The following DNMT3B variants were observed in gnomAD, a reference collection of about 807,000 sequenced individuals.
The protein encoded by DNMT3B is DNA (cytosine-5)-methyltransferase 3B.
A neutral mutation model predicts 120.2 loss-of-function variants in DNMT3B; 37 were observed. The ratio of observed to expected loss-of-function variants is 0.31; its 90% CI spans 0.24 to 0.40. The LOEUF (loss-of-function observed/expected upper bound fraction) is 0.40, where lower values mean the gene tolerates loss of function less well. Among genes scored for constraint, DNMT3B ranks in the 10% least tolerant of loss-of-function variants. DNMT3B has a pLI of 1.00. For synonymous variants in DNMT3B, 412 were observed against 442.8 expected, an observed-to-expected ratio of 0.93 and a Z score of 0.87; for missense variants, 878 against 1,137.3, an observed-to-expected ratio of 0.77 and a Z score of 3.28.
intron 18 of DNMT3B, 35 bp downstream of exon 18, chr20:32,800,960 C>T (rs1031130060): frequency 1.9e-6 from 3 of 1,609,022 alleles, no homozygotes; most frequent in Non-Finnish European, 2.6e-6. Context: ...CCCTGGAGAG[C>T]CTATGTCACC....
chr20:32,786,388 C>A, intron 4 of DNMT3B, 114 bp from the exon 5 acceptor site: 1 of 1,475,754 alleles, frequency 6.8e-7, no homozygotes, highest in Non-Finnish European at 9.3e-7. Context: ...TCCAGTTGTC[C>A]TGAAGCTGGC....
chr20:32,766,390 T>TA (rs937931304), intron 1 of DNMT3B, among the ~76,000 whole-genome samples: 3 of 151,948 alleles, frequency 2.0e-5, no homozygotes, highest in African/African-American at 4.8e-5. Context: ...TTTTTTTTTT[T>TA]ATAAGGACAA....
At chr20:32,798,403 G>C in intron 14 of DNMT3B, 57 bp from the exon 15 acceptor site, 1 of 1,607,172 alleles carries the variant, frequency 6.2e-7, no homozygotes, top group Non-Finnish European at 8.5e-7. Context: ...TGGTAAGGGG[G>C]TGGCACAGGA....
At chr20:32,771,470 A>G (rs1024345886) in intron 1 of DNMT3B, among the ~76,000 whole-genome samples, 2 of 151,990 alleles carry the variant, frequency 1.3e-5, no homozygotes, top group African/African-American at 2.4e-5. Context: ...CTGAAACCCT[A>G]TCTCTACTAA....
chr20:32,800,282 A>G lies in DNMT3B; in HGVS notation c.1889A>G (p.Asn630Ser). 6.2e-7 allele frequency: 1 copy of G among 1,614,210 alleles called. No individual in the cohort carries two copies. Among genetic ancestry groups the G allele is most frequent in the Non-Finnish European group, 8.5e-7 (1 of 1,180,040 alleles). ...ATCAAATACGTGAACGACGTGAGGA[A>G]CATCACAAAGAAAAATGTGAGGGCA... Reference protein sequence around the residue: ...GNIKYVNDVRNITKKNIEEWG... With the variant: ...GNIKYVNDVRSITKKNIEEWG... Residue 630 changes from asparagine to serine, a missense_variant, in exon 17 of 23, where the codon AAC becomes AGC. Physicochemically the swap from Asn to Ser is conservative, Grantham distance 46. This residue lies in a region of DNMT3B where 334 missense variants were observed against 518.8 expected (regional missense o/e 0.64). Coordinates refer to ENST00000328111, the MANE Select transcript of DNMT3B (RefSeq NM_006892.4).
chr20:32,785,882 CTTTTTT>C (rs139466345), intron 4 of DNMT3B, among the ~76,000 whole-genome samples: 1,687 of 134,474 alleles, frequency 0.013, 28 homozygotes, highest in African/African-American at 0.06. Context: ...TTCTTTCTTT[CTTTTTT>C]TTTCTTTTTT....
At chr20:32,781,212 A>G (rs1455366723) in intron 2 of DNMT3B, 141 bp from the exon 3 acceptor site, 1 of 834,110 alleles carries the variant, frequency 1.2e-6, no homozygotes, top group African/African-American at 1.7e-5. Flanking sequence ...ATACTGACGG[A>G]CTGAGAGCAA....
At position 32,800,386 on chromosome 20, in the gene DNMT3B, T is replaced by C. The variant is rs1340210314; in HGVS notation, c.1905+88T>C. 4 of 1,564,716 alleles carry C rather than the reference T, an allele frequency of 2.6e-6. No individual in the cohort carries two copies. In the East Asian group the frequency reaches 9.0e-5, roughly 35 times the overall value. On this transcript the variant is annotated intron_variant, in intron 17 of 22. Coordinates refer to ENST00000328111, the MANE Select transcript of DNMT3B (RefSeq NM_006892.4). ...CCCTGAAACCCACATGTAGGCCCCA[T>C]CCCTGAGACCCCAGAAAAAAGGATT...
Position 32,765,276 on chromosome 20 carries a change from G to A in DNMT3B, c.-7+2577G>A, listed in dbSNP as rs372245321. Among the ~76,000 whole-genome samples the A allele has an allele frequency of 5.9e-5, 9 of 152,196 alleles. No individual in the cohort carries two copies. In the South Asian group the frequency reaches 8.3e-4, roughly 14 times the overall value. On this transcript the variant is annotated intron_variant, in intron 1 of 22. Transcript: ENST00000328111. ...TTCATTTCATGTGCAGGCCACTCTT[G>A]TAAAAAGAGACTGAGCAGATATGTC...
intron 1 of DNMT3B, among the ~76,000 whole-genome samples, chr20:32,765,826 G>A (rs975491381): frequency 2.2e-5 from 3 of 137,780 alleles, no homozygotes; most frequent in Non-Finnish European, 4.5e-5. Context: ...CGCGATCTCC[G>A]CTCACTGCAA....
chr20:32,777,493 G>A (rs1988124869), intron 1 of DNMT3B, among the ~76,000 whole-genome samples: 1 of 152,154 alleles, frequency 6.6e-6, no homozygotes. Context: ...GGCCCTGGAT[G>A]AAGGCGAAGG....
chr20:32,788,627 G>A (rs984811629), intron 6 of DNMT3B, among the ~76,000 whole-genome samples: 2 of 152,192 alleles, frequency 1.3e-5, no homozygotes, highest in Admixed American at 6.5e-5. Flanking sequence ...TTGTGGAAAT[G>A]GAGTCTTGCT....
intron 3 of DNMT3B, 112 bp from the exon 4 acceptor site, chr20:32,784,646 C>T (rs972575524): frequency 2.4e-5 from 28 of 1,158,170 alleles, no homozygotes; most frequent in Non-Finnish European, 3.0e-5. Context: ...ATGAGTGACC[C>T]GGTCTCCCTG....
intron 1 of DNMT3B, among the ~76,000 whole-genome samples, chr20:32,767,436 A>C (rs1431555532): frequency 1.3e-5 from 2 of 148,228 alleles, no homozygotes; most frequent in Non-Finnish European, 3.0e-5. Flanking sequence ...TTTTTTTTTT[A>C]ATTATTTCTT....
chr20:32,800,135 T>A lies in DNMT3B; in HGVS notation c.1760-18T>A, dbSNP rs768143372. 1 of 1,614,144 alleles carries A rather than the reference T, an allele frequency of 6.2e-7. No homozygotes were observed. The highest frequency in any genetic ancestry group is 1.1e-5 in the South Asian group (1 of 91,076). On this transcript the variant is annotated intron_variant, in intron 16 of 22. Transcript: ENST00000328111. The stretch of plus-strand genomic sequence containing the variant: ...GCTCAGCATCATTTATGCTTCTGTG[T>A]CTCTCTGGCCCCCACAGGCTACCTA...
chr20:32,801,063 G>A (rs187683422), intron 18 of DNMT3B, 138 bp downstream of exon 18: 63 of 1,240,986 alleles, frequency 5.1e-5, no homozygotes, highest in Non-Finnish European at 6.6e-5. Context: ...TGCTGCCTAC[G>A]CTCCATAGTA....
At position 32,788,836 on chromosome 20, in the gene DNMT3B, A is replaced by G. The variant is rs1054134807; in HGVS notation, c.655-18A>G. 3.1e-6 allele frequency: 5 copies of G among 1,613,972 alleles called. No individual in the cohort carries two copies. The African/African-American group carries it at 5.3e-5, about 17-fold the overall frequency. ...GGCCTCTCCTCACTGGGATTTCTTC[A>G]TGTGGGTTTTCTTCCAGGATGGGAA... On this transcript the variant is annotated intron_variant, in intron 6 of 22. Transcript: ENST00000328111.
At chr20:32,792,091 T>C (rs544410408) in intron 8 of DNMT3B, among the ~76,000 whole-genome samples, 1 of 152,248 alleles carries the variant, frequency 6.6e-6, no homozygotes, top group East Asian at 1.9e-4. Context: ...TATGAACCAT[T>C]ATACCCTGTT....
At chr20:32,788,782 A>G (rs1479508457) in intron 6 of DNMT3B, 72 bp from the exon 7 acceptor site, 2 of 1,593,660 alleles carry the variant, frequency 1.3e-6, no homozygotes, top group Non-Finnish European at 1.7e-6. Context: ...CCTCAGGGAC[A>G]GTGGAGTGGA....
Sources: gnomAD v4.1 joint callset for allele counts (sites outside exome capture counted in the v4.1 genomes callset) on GRCh38, gnomAD v4.1.1 for gene constraint, gnomAD v4.1.1 regional missense constraint, MANE v1.5 for transcripts, NCBI Gene and HGNC (gene_info 2026-07-23, HGNC 2026-07-21) for gene names.